Variants in BABAM2 observed in about 807,000 individuals in gnomAD.
The protein encoded by BABAM2 is BRISC and BRCA1-A complex member 2.
A neutral mutation model predicts 54.7 loss-of-function variants in BABAM2; 31 were observed. That is an observed-to-expected ratio of 0.57 (90% CI 0.43 to 0.77). The LOEUF (loss-of-function observed/expected upper bound fraction) is 0.77. BABAM2 is among the 30% of genes least tolerant of loss of function. BABAM2 has a pLI of 0.00. For synonymous variants in BABAM2, 167 were observed against 162.9 expected, an observed-to-expected ratio of 1.03 and a Z score of -0.19; for missense variants, 364 against 455.8, an observed-to-expected ratio of 0.80 and a Z score of 1.83.
At chr2:28,188,331 A>G (rs951892379) in intron 7 of BABAM2, among the ~76,000 whole-genome samples, 2 of 152,186 alleles carry the variant, frequency 1.3e-5, no homozygotes, top group Non-Finnish European at 1.5e-5. Flanking sequence ...AATACATTTG[A>G]AACTGATTTA....
At chr2:28,249,041 A>G (rs1683173302) in intron 10 of BABAM2, among the ~76,000 whole-genome samples, 1 of 150,896 alleles carries the variant, frequency 6.6e-6, no homozygotes, top group Non-Finnish European at 1.5e-5. Flanking sequence ...GCCTGTTTTT[A>G]TAGGGCCCTT....
At chr2:27,943,678 T>G (rs149657954) in intron 3 of BABAM2, among the ~76,000 whole-genome samples, 2 of 152,354 alleles carry the variant, frequency 1.3e-5, no homozygotes, top group East Asian at 3.9e-4. Flanking sequence ...AAAAGTTGGA[T>G]GCTGTCTAGG....
chr2:28,125,279 T>C (rs1558360743), intron 6 of BABAM2, among the ~76,000 whole-genome samples: 1 of 151,980 alleles, frequency 6.6e-6, no homozygotes, highest in Non-Finnish European at 1.5e-5. Flanking sequence ...TATTTTGTTA[T>C]TTTTATTTTA....
At chr2:27,910,922 T>C (rs1447568961) in intron 2 of BABAM2, among the ~76,000 whole-genome samples, 2 of 152,304 alleles carry the variant, frequency 1.3e-5, no homozygotes, top group South Asian at 2.1e-4. Context: ...CCACCTGTCA[T>C]GGGAGGGACC....
intron 11 of BABAM2, among the ~76,000 whole-genome samples, chr2:28,310,853 C>T (rs928065940): frequency 6.6e-6 from 1 of 152,076 alleles, no homozygotes; most frequent in African/African-American, 2.4e-5. Context: ...CACTGCACTC[C>T]TGCCAGGGTG....
At chr2:27,934,695 G>A (rs141121579) in intron 3 of BABAM2, among the ~76,000 whole-genome samples, 16 of 152,320 alleles carry the variant, frequency 1.1e-4, no homozygotes, top group African/African-American at 3.9e-4. Flanking sequence ...TGCTACTCTA[G>A]TAAACACATG....
At chr2:28,333,976 A>G (rs997154772) in intron 11 of BABAM2, among the ~76,000 whole-genome samples, 7 of 152,264 alleles carry the variant, frequency 4.6e-5, no homozygotes, top group Admixed American at 1.3e-4. Context: ...TAAAAAATCT[A>G]TAAATGGGTG....
intron 10 of BABAM2, among the ~76,000 whole-genome samples, chr2:28,292,951 ATCAC>A (rs1687408970): frequency 6.6e-6 from 1 of 152,182 alleles, no homozygotes; most frequent in African/African-American, 2.4e-5. Context: ...GGGAGTGAAT[ATCAC>A]TTACTATATG....
rs963314898 is a variant in BABAM2 at position 28,296,749 on chromosome 2, G to A, written c.935-1589G>A. On this transcript the variant is annotated intron_variant, in intron 10 of 11. Transcript: ENST00000379624. ...GTTGCCCAGGCTGGAGTGCAGTGGCGCGATCACAGCTCACTGCAGCATCCG... is the reference window on the plus strand; with the variant it reads ...GTTGCCCAGGCTGGAGTGCAGTGGCACGATCACAGCTCACTGCAGCATCCG... 3.9e-5 allele frequency among the ~76,000 whole-genome samples: 6 copies of A among 152,194 alleles called. No individual in the cohort carries two copies. In the South Asian group the frequency reaches 1.0e-3, roughly 26 times the overall value.
At chr2:28,035,828 A>G (rs1676621547) in intron 5 of BABAM2, among the ~76,000 whole-genome samples, 1 of 152,166 alleles carries the variant, frequency 6.6e-6, no homozygotes, top group Non-Finnish European at 1.5e-5. Context: ...TTAAAGGTGT[A>G]GATTATAACT....
intron 8 of BABAM2, among the ~76,000 whole-genome samples, chr2:28,237,506 T>G (rs111668938): frequency 0.023 from 3,432 of 152,304 alleles, 147 homozygotes; most frequent in African/African-American, 0.078. Flanking sequence ...TTTCTAAGGA[T>G]TCTGACCTCC....
chr2:28,186,424 C>G (rs1168299532), intron 7 of BABAM2, among the ~76,000 whole-genome samples: 1 of 152,060 alleles, frequency 6.6e-6, no homozygotes, highest in Non-Finnish European at 1.5e-5. Flanking sequence ...GGATGTTACA[C>G]TTTAGAGGGT....
intron 6 of BABAM2, among the ~76,000 whole-genome samples, chr2:28,115,188 C>T (rs1013817052): frequency 2.3e-5 from 2 of 85,690 alleles, no homozygotes; most frequent in African/African-American, 1.4e-4. Flanking sequence ...TTAAAACACA[C>T]ACACACACAC....
At chr2:27,890,421 C>A (rs1664720739), upstream of BABAM2, 33 of 1,408,064 alleles carry the variant, frequency 2.3e-5, 1 homozygote, top group South Asian at 3.9e-4. This position sits in a 1 kb window ranked among gnomAD's most constrained non-coding sequence, Gnocchi z 4.8. Context: ...AGACGCCACT[C>A]CTGCCCTCCC....
intron 6 of BABAM2, among the ~76,000 whole-genome samples, chr2:28,076,458 A>ATGTT (rs1664675128): frequency 7.1e-6 from 1 of 140,134 alleles, no homozygotes; most frequent in Non-Finnish European, 1.6e-5. Flanking sequence ...TTTTTATTTT[A>ATGTT]TATTTATTTA....
intron 3 of BABAM2, among the ~76,000 whole-genome samples, chr2:27,936,049 G>A (rs1466345263): frequency 6.6e-6 from 1 of 152,106 alleles, no homozygotes; most frequent in Non-Finnish European, 1.5e-5. Context: ...CTCCTAAGTA[G>A]CTGGGATTAC....
In BABAM2 at chr2:28,124,458, T is replaced by G. The variant is rs1669331456; in HGVS notation, c.571-4813T>G. 2.0e-5 allele frequency among the ~76,000 whole-genome samples: 3 copies of G among 152,220 alleles called. No individual in the cohort carries two copies. In the South Asian group the frequency reaches 6.2e-4, roughly 32 times the overall value. ...GATCAGTAAGCTCAGACTCCTGACC[T>G]GGGCTCTCCTTTTAAAGTCACTAGT... On this transcript the variant is annotated intron_variant, in intron 6 of 11. Coordinates refer to ENST00000379624, the MANE Select transcript of BABAM2 (RefSeq NM_199191.3).
chr2:27,930,390 A>G lies in BABAM2; in HGVS notation c.205+482A>G, dbSNP rs531615839. 21 of 158,492 alleles carry G rather than the reference A, an allele frequency of 1.3e-4. No homozygotes were observed. The South Asian group carries it at 1.6e-3, about 12-fold the overall frequency. 9.8% of individuals were successfully genotyped at this position (158,492 alleles called of 1,614,324 possible). On this transcript the variant is annotated intron_variant, in intron 3 of 11. Transcript: ENST00000379624. Reference sequence around the variant, plus strand: ...CTCTTGGCATGGCTTAGGCATATCAACATGTTATCTCCTTTATAGCAAGGA... The same window carrying G: ...CTCTTGGCATGGCTTAGGCATATCAGCATGTTATCTCCTTTATAGCAAGGA...
intron 7 of BABAM2, among the ~76,000 whole-genome samples, chr2:28,201,146 T>A (rs1231026634): frequency 6.6e-6 from 1 of 152,008 alleles, no homozygotes; most frequent in African/African-American, 2.4e-5. Flanking sequence ...CTGTGTTCCA[T>A]TTTTTAAAAA....
Sources: gnomAD v4.1 joint callset for allele counts (sites outside exome capture counted in the v4.1 genomes callset) on GRCh38, gnomAD v4.1.1 for gene constraint, Gnocchi (gnomAD v3.1) non-coding constraint, MANE v1.5 for transcripts, NCBI Gene and HGNC (gene_info 2026-07-23, HGNC 2026-07-21) for gene names.